The following COL6A3 variants were observed in gnomAD, a reference collection of about 807,000 sequenced individuals.
COL6A3 encodes collagen type VI alpha 3 chain.
A neutral mutation model predicts 274.1 loss-of-function variants in COL6A3; 137 were observed. That is an observed-to-expected ratio of 0.50 (90% CI 0.44 to 0.58). The LOEUF is 0.58. Among genes scored for constraint, COL6A3 ranks in the 20% least tolerant of loss-of-function variants. The pLI is 0.00. For missense variants in COL6A3, 3,950 were observed against 4,124.9 expected (o/e 0.96, Z 1.16); for synonymous variants, 1,650 against 1,650.6 (o/e 1.00, Z 0.01).
rs758695558 is a variant in COL6A3, at chr2:237,364,744, G to A, written c.5839-316C>T. Among the ~76,000 whole-genome samples the A allele has an allele frequency of 2.0e-5, 3 of 150,818 alleles. No individual in the cohort carries two copies. Among genetic ancestry groups the A allele is most frequent in the Non-Finnish European group, 3.0e-5 (2 of 67,592 alleles). On this transcript the variant is annotated intron_variant, in intron 12 of 43. Coordinates refer to ENST00000295550, the MANE Select transcript of COL6A3 (RefSeq NM_004369.4). This position sits in a 1 kb window ranked among gnomAD's most constrained non-coding sequence, Gnocchi z 4.6. ...TGCATATGTGTGCATGCATGTGTGC[G>A]TGCATGTGTGTGCATGTGTGTGGGT...
chr2:237,367,268 A>T lies in COL6A3; in HGVS notation c.4919T>A (p.Ile1640Asn). The T allele has an allele frequency of 6.2e-7, 1 of 1,613,584 alleles. No individual in the cohort carries two copies. Among genetic ancestry groups the T allele is most frequent in the Non-Finnish European group, 8.5e-7 (1 of 1,179,734 alleles). ...GATGGAACCATCCAACAGGAACACA[A>T]TGTCTGCTTTCTTCTTCTCTAGAAG... ...PSRPEKKKAD[I>N]VFLLDGSINF... Residue 1640 changes from isoleucine to asparagine, a missense_variant, in exon 11 of 44, where the codon ATT (isoleucine) becomes AAT (asparagine). Physicochemically the swap from Ile to Asn is moderately radical, Grantham distance 149. Transcript: ENST00000295550.
At chr2:237,405,254 G>A (rs746292976) in intron 1 of COL6A3, among the ~76,000 whole-genome samples, 8 of 152,182 alleles carry the variant, frequency 5.3e-5, no homozygotes, top group Non-Finnish European at 1.2e-4. Context: ...AGCAGGTCTT[G>A]TGGCTCGTGG....
chr2:237,361,598 G>T lies in COL6A3; in HGVS notation c.6156+141C>A. The T allele has an allele frequency of 1.2e-6, 1 of 849,814 alleles. No individual in the cohort carries two copies. The highest frequency in any genetic ancestry group is 2.0e-6 in the Non-Finnish European group (1 of 499,366). The allele number at this position is 849,814 out of a possible 1,614,324, so 52.6% of individuals were successfully genotyped here. A position where few individuals can be genotyped will look rare whatever the true frequency, so the allele number is the denominator to read the frequency against. On this transcript the variant is annotated intron_variant, in intron 15 of 43. Transcript: ENST00000295550. The surrounding 1 kb of genome is among the most constrained non-coding windows in gnomAD (Gnocchi z 5.1). Reference sequence around the variant, plus strand: ...ACAGCACGCAGGTCTGCCCCTCAGAGCTCCTCCTTCTAACATAAGAAATGG... The same window carrying T: ...ACAGCACGCAGGTCTGCCCCTCAGATCTCCTCCTTCTAACATAAGAAATGG...
chr2:237,377,117 T>C lies in COL6A3; in HGVS notation c.2725A>G (p.Lys909Glu). ...CCCAGGTTGAGGGCTTTGCCCGTCT[T>C]GATCTTCATTCTCTTCACAAGATTC... ...ILNLVKRMKIKTGKALNLGYA... is the reference protein window; with the variant it reads ...ILNLVKRMKIETGKALNLGYA... Residue 909 changes from lysine to glutamate, a missense_variant, in exon 7 of 44, where the codon AAG becomes GAG. Physicochemically the swap from Lys to Glu is moderately conservative, Grantham distance 56. This residue lies in a region of COL6A3 where 1,934 missense variants were observed against 1,984.3 expected (regional missense o/e 0.97). Transcript: ENST00000295550. The C allele has an allele frequency of 6.2e-7, 1 of 1,614,212 alleles. No homozygotes were observed. Among genetic ancestry groups the C allele is most frequent in the East Asian group, 2.2e-5 (1 of 44,892 alleles).
chr2:237,344,726 T>C lies in COL6A3; in HGVS notation c.7292A>G (p.Asp2431Gly). Residue 2431 changes from aspartate to glycine, a missense_variant, in exon 36 of 44, where the codon GAC becomes GGC. Asp to Gly is a moderately conservative substitution (Grantham distance 94). Around this residue, in one of 5 missense-constraint regions of COL6A3, gnomAD observed 1,284 missense variants for 1,349.7 expected, o/e 0.95. Transcript: ENST00000295550. The surrounding 1 kb of genome is among the most constrained non-coding windows in gnomAD (Gnocchi z 4.8). ...MRDVVLSIVN[D>G]LTIAESNCPR... ...GCAGTTGCTCTCAGCAATGGTCAGG[T>C]CATTCACAATACTCAAGACCACATC... 6.2e-7 allele frequency: 1 copy of C among 1,604,386 alleles called. No homozygotes were observed. The highest frequency in any genetic ancestry group is 8.5e-7 in the Non-Finnish European group (1 of 1,175,196).
At chr2:237,397,245 G>A (rs112735771) in intron 1 of COL6A3, among the ~76,000 whole-genome samples, 1,722 of 146,226 alleles carry the variant, frequency 0.012, 51 homozygotes, top group African/African-American at 0.041. Flanking sequence ...GTGAAGGAAG[G>A]GAAGGGAAGG....
Position 237,357,879 on chromosome 2 carries a change from T to C in COL6A3, c.6475A>G (p.Asn2159Asp), listed in dbSNP as rs1186612606. ...GDVGIRGDPG[N>D]PGQDSQERGP... ...CTCTCCTGGCTGTCTTGTCCTGGGT[T>C]ACCCTGAAAGCAACATGGGAAAGGG... is the stretch of plus-strand genomic sequence containing the variant. Residue 2159 changes from asparagine to aspartate, a missense_variant, in exon 22 of 44, where the codon AAC becomes GAC. Physicochemically the swap from Asn to Asp is conservative, Grantham distance 23. This residue lies in a region of COL6A3 where 1,284 missense variants were observed against 1,349.7 expected (regional missense o/e 0.95). Coordinates refer to ENST00000295550, the MANE Select transcript of COL6A3 (RefSeq NM_004369.4). 1 of 1,614,120 alleles carries C rather than the reference T, an allele frequency of 6.2e-7. No individual in the cohort carries two copies. The highest frequency in any genetic ancestry group is 1.7e-5 in the Admixed American group (1 of 60,020).
intron 5 of COL6A3, among the ~76,000 whole-genome samples, chr2:237,380,437 G>GTAAT (rs1173038594): frequency 6.6e-6 from 1 of 152,210 alleles, no homozygotes; most frequent in Non-Finnish European, 1.5e-5. Flanking sequence ...CCCATTGAGG[G>GTAAT]TAATCCCTTA....
intron 1 of COL6A3, among the ~76,000 whole-genome samples, chr2:237,411,320 G>C (rs886703902): frequency 3.3e-5 from 5 of 152,208 alleles, no homozygotes; most frequent in African/African-American, 4.8e-5. Flanking sequence ...TTCACGACTT[G>C]CCGGTGAATT....
chr2:237,340,564 G>A lies in COL6A3; in HGVS notation c.8352C>T (p.Tyr2784=), dbSNP rs1331210511. 2 of 1,614,176 alleles carry A rather than the reference G, an allele frequency of 1.2e-6. No homozygotes were observed. The highest frequency in any genetic ancestry group is 1.7e-6 in the Non-Finnish European group (2 of 1,180,030). ...CGTCGTTTGGCTCACTGGCGAAGGTGTATACCTCCTTGATGTTCACCTTCC... is the reference window on the plus strand; with the variant it reads ...CGTCGTTTGGCTCACTGGCGAAGGTATATACCTCCTTGATGTTCACCTTCC... ...IGRKVNIKEV[Y]TFASEPNDVF... Residue 2784 remains tyrosine (Y), a synonymous_variant, in exon 38 of 44, where the codon TAC becomes TAT. Coordinates refer to ENST00000295550, the MANE Select transcript of COL6A3 (RefSeq NM_004369.4).
intron 38 of COL6A3, among the ~76,000 whole-genome samples, chr2:237,339,768 G>A (rs760233517): frequency 1.3e-5 from 2 of 152,086 alleles, no homozygotes; most frequent in Non-Finnish European, 2.9e-5. Context: ...ACTATAATAG[G>A]CTGCACCTCC....
rs112214635 is a variant in COL6A3 at position 237,344,248 on chromosome 2, A to G, written c.7668+102T>C. Reference sequence around the variant, plus strand: ...ATGGCCTCATTGGGGACGTTTTAGGAGCTATGGGACATGAAGCCACAAAGG... The same window carrying G: ...ATGGCCTCATTGGGGACGTTTTAGGGGCTATGGGACATGAAGCCACAAAGG... On this transcript the variant is annotated intron_variant, in intron 36 of 43. Coordinates refer to ENST00000295550, the MANE Select transcript of COL6A3 (RefSeq NM_004369.4). This position sits in a 1 kb window ranked among gnomAD's most constrained non-coding sequence, Gnocchi z 4.8. The G allele has an allele frequency of 6.8e-5, 106 of 1,569,976 alleles. No homozygotes were observed. The Middle Eastern group carries it at 1.3e-3, about 20-fold the overall frequency.
intron 4 of COL6A3, among the ~76,000 whole-genome samples, chr2:237,381,714 C>A (rs1164034286): frequency 6.6e-6 from 1 of 152,198 alleles, no homozygotes; most frequent in Non-Finnish European, 1.5e-5. Context: ...TTCCACCCTG[C>A]CCAGTCAGTA....
chr2:237,374,763 C>T lies in COL6A3; in HGVS notation c.3328G>A (p.Ala1110Thr). ...LLGGPTPNTG[A>T]ALEFVLRNIL... ...TTCCTCAGGACAAACTCCAGGGCGG[C>T]CCCGGTGTTGGGGGTCGGCCCTCCC... Residue 1110 changes from alanine (A) to threonine (T), a missense_variant, in exon 8 of 44, where the codon GCC (alanine) becomes ACC (threonine). Ala to Thr is a moderately conservative substitution (Grantham distance 58). Around this residue, in one of 5 missense-constraint regions of COL6A3, gnomAD observed 1,934 missense variants for 1,984.3 expected, o/e 0.97. Coordinates refer to ENST00000295550, the MANE Select transcript of COL6A3 (RefSeq NM_004369.4). The surrounding 1 kb of genome is among the most constrained non-coding windows in gnomAD (Gnocchi z 4.8). 6.2e-7 allele frequency: 1 copy of T among 1,613,914 alleles called. No homozygotes were observed. The highest frequency in any genetic ancestry group is 8.5e-7 in the Non-Finnish European group (1 of 1,179,922).
chr2:237,345,449 G>A (rs1262459893), intron 32 of COL6A3, among the ~76,000 whole-genome samples: 2 of 152,320 alleles, frequency 1.3e-5, no homozygotes, highest in East Asian at 3.9e-4. Flanking sequence ...CTCATGTTCT[G>A]AAACCAGGAA....
chr2:237,324,965 G>A, intron 43 of COL6A3, 151 bp from the exon 44 acceptor site: 2 of 854,396 alleles, frequency 2.3e-6, no homozygotes, highest in Non-Finnish European at 3.6e-6. Context: ...TTTCTACTCA[G>A]TACCATCAAA....
rs761741342 is a variant in COL6A3, at chr2:237,344,686, C to T, written c.7332G>A (p.Arg2444=). 6.2e-7 allele frequency: 1 copy of T among 1,610,450 alleles called. No individual in the cohort carries two copies. Among genetic ancestry groups the T allele is most frequent in the Non-Finnish European group, 8.5e-7 (1 of 1,177,616 alleles). ...IAESNCPRGA[R]VAVVTYNNEV... ...CGTTGTTGTAGGTGACCACAGCCAC[C>T]CGGGCCCCCCGTGGGCAGTTGCTCT... The change falls in exon 36 of 44, where the codon CGG becomes CGA. Residue 2444 remains arginine, a synonymous_variant. Transcript: ENST00000295550. The surrounding 1 kb of genome is among the most constrained non-coding windows in gnomAD (Gnocchi z 4.8).
At chr2:237,359,625 G>C in intron 17 of COL6A3, among the ~76,000 whole-genome samples, 1 of 152,200 alleles carries the variant, frequency 6.6e-6, no homozygotes, top group East Asian at 1.9e-4. Flanking sequence ...GGCGGGGGTG[G>C]ACCCCAAAAC....
In COL6A3 at chr2:237,348,617, T is replaced by C; in HGVS notation, c.6926A>G (p.Lys2309Arg). ...DGVGSEGRRG[K>R]KGERGFPGYP... ...TAATCCTCAGCAGATACGTACTTTT[T>C]TGCCTCTGCGTCCTTCACTGCCAAC... The change falls in exon 29 of 44, where the codon AAA (lysine) becomes AGA (arginine). Residue 2309 changes from lysine to arginine, a missense_variant. This residue lies in a region of COL6A3 where 1,284 missense variants were observed against 1,349.7 expected (regional missense o/e 0.95). Coordinates refer to ENST00000295550, the MANE Select transcript of COL6A3 (RefSeq NM_004369.4). 1 of 1,614,146 alleles carries C rather than the reference T, an allele frequency of 6.2e-7. No individual in the cohort carries two copies. Among genetic ancestry groups the C allele is most frequent in the African/African-American group, 1.3e-5 (1 of 75,064 alleles).
Sources: allele counts gnomAD v4.1 joint callset (sites outside exome capture counted in the v4.1 genomes callset), GRCh38; gene constraint gnomAD v4.1.1; regional missense constraint gnomAD v4.1.1; non-coding constraint Gnocchi (gnomAD v3.1); transcripts MANE v1.5; gene names NCBI Gene and HGNC (gene_info 2026-07-23, HGNC 2026-07-21).